Variants in TENM4 observed in about 807,000 individuals in gnomAD.
TENM4 encodes teneurin transmembrane protein 4.
Under a neutral mutation model 243.3 loss-of-function variants are expected in TENM4, and 82 were observed. The ratio of observed to expected loss-of-function variants is 0.34; its 90% confidence interval spans 0.28 to 0.40. The LOEUF (loss-of-function observed/expected upper bound fraction) is 0.40. Ranked by LOEUF, TENM4 falls within the 10% of genes least tolerant of loss-of-function variation. The probability of loss-of-function intolerance (pLI) is 1.00; values close to 1 mark genes in which losing one functional copy is unlikely to be tolerated. For synonymous variants in TENM4, 1,412 were observed against 1,456.3 expected, an observed-to-expected ratio of 0.97 and a Z score of 0.69; for missense variants, 3,138 against 3,673.3, an observed-to-expected ratio of 0.85 and a Z score of 3.77.
intron 14 of TENM4, among the ~76,000 whole-genome samples, chr11:78,808,360 C>T (rs56368528): frequency 6.3e-4 from 96 of 152,306 alleles, no homozygotes; most frequent in Non-Finnish European, 1.1e-3. Flanking sequence ...ATCACAATAA[C>T]AATCAACATT....
chr11:78,978,750 G>GA (rs148694916), intron 6 of TENM4, among the ~76,000 whole-genome samples: 4,913 of 152,252 alleles, frequency 0.032, 232 homozygotes, highest in African/African-American at 0.099. Flanking sequence ...TATCTGGAGA[G>GA]AAAAGAGTTC....
rs543488128 is a variant in TENM4 at position 79,344,857 on chromosome 11, A to G, written c.-320-47314T>C. On this transcript the variant is annotated intron_variant, in intron 1 of 33. Coordinates refer to ENST00000278550, the MANE Select transcript of TENM4 (RefSeq NM_001098816.3). Reference sequence around the variant, plus strand: ...AATGGTTAGGCAATTCATCTTATTTACCATCTAAATGCACTTGAGAGCTGA... The same window carrying G: ...AATGGTTAGGCAATTCATCTTATTTGCCATCTAAATGCACTTGAGAGCTGA... 2.9e-4 allele frequency among the ~76,000 whole-genome samples: 44 copies of G among 152,328 alleles called. 1 individual carries two copies. The highest frequency in any genetic ancestry group is 1.0e-3 in the African/African-American group (42 of 41,576).
chr11:78,937,918 C>CA (rs960943698), intron 6 of TENM4, among the ~76,000 whole-genome samples: 1 of 152,012 alleles, frequency 6.6e-6, no homozygotes, highest in African/African-American at 2.4e-5. Flanking sequence ...TCTAGAATCC[C>CA]AAAAAAAGCC....
At chr11:78,663,507 T>C (rs946048589) in intron 32 of TENM4, among the ~76,000 whole-genome samples, 49 of 152,158 alleles carry the variant, frequency 3.2e-4, no homozygotes, top group Non-Finnish European at 1.5e-4. Flanking sequence ...ATGCAAGAGC[T>C]GGCTGTTTAA....
chr11:78,873,374 T>C (rs931331038), intron 9 of TENM4, among the ~76,000 whole-genome samples: 1 of 152,200 alleles, frequency 6.6e-6, no homozygotes, highest in Non-Finnish European at 1.5e-5. Context: ...CTGTGCTGAG[T>C]GTTTTAGAAA....
chr11:79,245,208 T>A (rs1041354167), intron 2 of TENM4, among the ~76,000 whole-genome samples: 6 of 152,202 alleles, frequency 3.9e-5, no homozygotes, highest in Non-Finnish European at 8.8e-5. Context: ...GCAGAAGCCC[T>A]GCAGCCATTG....
chr11:78,996,378 A>C (rs900205432), intron 6 of TENM4, among the ~76,000 whole-genome samples: 1 of 152,172 alleles, frequency 6.6e-6, no homozygotes, highest in African/African-American at 2.4e-5. Context: ...TGACCCTGTG[A>C]AGGCACAGAA....
intron 1 of TENM4, among the ~76,000 whole-genome samples, chr11:79,382,463 T>A (rs1400192090): frequency 6.6e-6 from 1 of 152,164 alleles, no homozygotes; most frequent in Non-Finnish European, 1.5e-5. Flanking sequence ...TGAGCAAACA[T>A]GGAGTTCTCA....
chr11:79,413,822 T>C (rs1051377536), intron 1 of TENM4, among the ~76,000 whole-genome samples: 2 of 152,158 alleles, frequency 1.3e-5, no homozygotes, highest in African/African-American at 4.8e-5. Flanking sequence ...TCCTTGCTTT[T>C]AGAAGTGGCA....
intron 6 of TENM4, among the ~76,000 whole-genome samples, chr11:79,054,391 A>G (rs1859885735): frequency 6.6e-6 from 1 of 152,158 alleles, no homozygotes; most frequent in South Asian, 2.1e-4. Context: ...TACTAGGCCA[A>G]CAGTTTTTGA....
At chr11:79,112,685 C>T (rs1259821043) in intron 4 of TENM4, among the ~76,000 whole-genome samples, 2 of 152,128 alleles carry the variant, frequency 1.3e-5, no homozygotes, top group African/African-American at 4.8e-5. Context: ...AGTAGGTTGC[C>T]CTGGTTTCCT....
chr11:78,805,436 G>C lies in TENM4; in HGVS notation c.2035C>G (p.His679Asp), dbSNP rs375506357. The C allele has an allele frequency of 6.2e-7, 1 of 1,600,494 alleles. No individual in the cohort carries two copies. The highest frequency in any genetic ancestry group is 8.5e-7 in the Non-Finnish European group (1 of 1,173,492). ...GRGVCVRGECHCSVGWGGTNC... is the reference protein window; with the variant it reads ...GRGVCVRGECDCSVGWGGTNC... ...GTGCCTCCCCATCCCACAGAGCAGT[G>C]GCATTCGCCTCTCACGCAGACACCC... Residue 679 changes from histidine (H) to aspartate (D), a missense_variant, in exon 15 of 34, where the codon CAC becomes GAC. By Grantham distance (81) the His-to-Asp change is moderately conservative. Transcript: ENST00000278550.
chr11:78,948,030 C>T (rs1857037924), intron 6 of TENM4, among the ~76,000 whole-genome samples: 1 of 152,178 alleles, frequency 6.6e-6, no homozygotes, highest in African/African-American at 2.4e-5. Context: ...AACCCAATTG[C>T]TATTGTCCAG....
rs190740076 is a variant in TENM4, at chr11:78,869,603, T to C, written c.1085-6471A>G. Among the ~76,000 whole-genome samples, 149 of 152,230 alleles carry C rather than the reference T, an allele frequency of 9.8e-4. 1 individual carries two copies. Among genetic ancestry groups the C allele is most frequent in the African/African-American group, 3.6e-3 (148 of 41,530 alleles). ...TACATATGCTCTCTCACTCAATCTT[T>C]ACATGAATCTTGAGAAACTCGTTTG... On this transcript the variant is annotated intron_variant, in intron 9 of 33. Transcript: ENST00000278550.
intron 3 of TENM4, among the ~76,000 whole-genome samples, chr11:79,157,651 G>A (rs1181432066): frequency 6.6e-6 from 1 of 152,042 alleles, no homozygotes; most frequent in Non-Finnish European, 1.5e-5. Context: ...TGTCTGCCTG[G>A]AACATCCTAT....
intron 6 of TENM4, among the ~76,000 whole-genome samples, chr11:78,922,710 C>A (rs1856472448): frequency 6.6e-6 from 1 of 152,178 alleles, no homozygotes; most frequent in Admixed American, 6.5e-5. Flanking sequence ...CAGGCATCAG[C>A]CCCAAAGGCC....
chr11:78,672,039 T>C lies in TENM4; in HGVS notation c.5787A>G (p.Leu1929=), dbSNP rs976603706. Residue 1929 remains leucine (L), a synonymous_variant, in exon 31 of 34, where the codon TTA becomes TTG. Coordinates refer to ENST00000278550, the MANE Select transcript of TENM4 (RefSeq NM_001098816.3). ...ADGKTWSYTY[L]EKSMVLLLHS... ...CAGGGAGACAGACACCTGCCTTCTC[T>C]AAGTATGTGTAGCTCCATGTCTTCC... 6.2e-7 allele frequency: 1 copy of C among 1,612,496 alleles called. No individual in the cohort carries two copies. Among genetic ancestry groups the C allele is most frequent in the Admixed American group, 1.7e-5 (1 of 59,994 alleles).
At chr11:78,776,017 T>C (rs558907520) in intron 17 of TENM4, among the ~76,000 whole-genome samples, 1 of 152,286 alleles carries the variant, frequency 6.6e-6, no homozygotes, top group South Asian at 2.1e-4. Context: ...AAATGGCCCA[T>C]TTCTTTATGT....
At chr11:79,335,844 G>T (rs1445534964) in intron 1 of TENM4, among the ~76,000 whole-genome samples, 1 of 152,148 alleles carries the variant, frequency 6.6e-6, no homozygotes, top group East Asian at 1.9e-4. Flanking sequence ...GATAAGGAGA[G>T]GTTGCCTAGG....
Sources: allele counts gnomAD v4.1 joint callset (sites outside exome capture counted in the v4.1 genomes callset), GRCh38; gene constraint gnomAD v4.1.1; transcripts MANE v1.5; gene names NCBI Gene and HGNC (gene_info 2026-07-23, HGNC 2026-07-21).